Variants in RBFOX1 observed in about 807,000 individuals in gnomAD.
RBFOX1 encodes RNA binding fox-1 homolog 1.
Under a neutral mutation model 57.7 loss-of-function variants are expected in RBFOX1, and 8 were observed. The observed-to-expected ratio is 0.14, with a 90% CI of 0.08 to 0.25. The LOEUF (loss-of-function observed/expected upper bound fraction) is 0.25. RBFOX1 is among the 10% of genes least tolerant of loss of function. RBFOX1 has a pLI of 1.00. For synonymous variants in RBFOX1, 326 were observed against 222.4 expected, an observed-to-expected ratio of 1.47 and a Z score of -4.15; for missense variants, 611 against 548.5, an observed-to-expected ratio of 1.11 and a Z score of -1.14.
intron 1 of RBFOX1, among the ~76,000 whole-genome samples, chr16:5,410,873 G>C (rs1307715008): frequency 2.0e-5 from 3 of 152,198 alleles, no homozygotes; most frequent in African/African-American, 7.2e-5. Flanking sequence ...TTTAAATCCT[G>C]GCTCAGCTGT....
intron 5 of RBFOX1, among the ~76,000 whole-genome samples, chr16:7,559,538 T>C (rs7499705): frequency 0.93 from 141,478 of 152,196 alleles, 65,973 homozygotes; most frequent in Non-Finnish European, 0.97. Context: ...ACACAGGCCT[T>C]GCAAATTAAG....
chr16:5,934,173 T>C (rs993187173), intron 4 of RBFOX1, among the ~76,000 whole-genome samples: 1 of 152,264 alleles, frequency 6.6e-6, no homozygotes, highest in Non-Finnish European at 1.5e-5. Context: ...AGGAACATGC[T>C]GCTGTTTCGT....
At chr16:5,316,998 C>T (rs191325088) in intron 1 of RBFOX1, among the ~76,000 whole-genome samples, 38 of 152,138 alleles carry the variant, frequency 2.5e-4, no homozygotes, top group African/African-American at 8.4e-4. Flanking sequence ...ATTTTCCTGC[C>T]CTTGGATTTC....
rs1177158047 is a variant in RBFOX1, at chr16:5,785,275, G to A, written c.319-82028G>A. 2.0e-5 allele frequency among the ~76,000 whole-genome samples: 3 copies of A among 152,164 alleles called. No homozygotes were observed. The East Asian group carries it at 5.8e-4, about 29-fold the overall frequency. ...CAACCTCAACTAAGGAACTTAAATG[G>A]TATGTGGCAGGACATTTACCAAAGA... On this transcript the variant is annotated intron_variant, in intron 3 of 19. Coordinates refer to the RBFOX1 transcript ENST00000641259.
intron 3 of RBFOX1, among the ~76,000 whole-genome samples, chr16:5,831,801 A>AT (rs2056285478): frequency 6.6e-6 from 1 of 152,136 alleles, no homozygotes; most frequent in Non-Finnish European, 1.5e-5. Context: ...AGATGGCCTA[A>AT]TACTGTCTTC....
intron 1 of RBFOX1, among the ~76,000 whole-genome samples, chr16:6,240,125 G>T (rs1410673410): frequency 6.6e-6 from 1 of 152,100 alleles, no homozygotes; most frequent in Non-Finnish European, 1.5e-5. Context: ...GCCATGTCCT[G>T]CTTCACCTTC....
chr16:7,089,583 C>G (rs181717115), intron 4 of RBFOX1, among the ~76,000 whole-genome samples: 2 of 152,108 alleles, frequency 1.3e-5, no homozygotes, highest in East Asian at 1.9e-4. Context: ...CACACTCTTT[C>G]TCTGAGTTGT....
intron 4 of RBFOX1, among the ~76,000 whole-genome samples, chr16:5,953,223 C>T (rs2059556063): frequency 1.3e-5 from 2 of 152,128 alleles, no homozygotes; most frequent in South Asian, 2.1e-4. Flanking sequence ...AATGATTTTG[C>T]CCCTCAGATA....
chr16:5,329,626 T>C (rs1453912326), intron 1 of RBFOX1, among the ~76,000 whole-genome samples: 1 of 152,244 alleles, frequency 6.6e-6, no homozygotes, highest in African/African-American at 2.4e-5. Context: ...TGGACTGTTA[T>C]AACAAAATAA....
chr16:5,360,599 C>G (rs1357237359), intron 1 of RBFOX1, among the ~76,000 whole-genome samples: 2 of 152,110 alleles, frequency 1.3e-5, no homozygotes, highest in South Asian at 2.1e-4. Context: ...TCCACACTCC[C>G]TGAGTGAGGG....
chr16:7,089,851 C>A (rs1322727491), intron 4 of RBFOX1, among the ~76,000 whole-genome samples: 2 of 152,046 alleles, frequency 1.3e-5, no homozygotes, highest in African/African-American at 4.8e-5. Context: ...ATGGGCACTA[C>A]CTTCCTTTCC....
intron 1 of RBFOX1, among the ~76,000 whole-genome samples, chr16:6,073,806 T>C (rs1448991395): frequency 4.6e-5 from 7 of 152,282 alleles, no homozygotes; most frequent in African/African-American, 9.6e-5. Context: ...TTTTATTTGA[T>C]AGGGCTCTTT....
chr16:6,120,018 T>C (rs1325823113), intron 1 of RBFOX1, among the ~76,000 whole-genome samples: 2 of 152,216 alleles, frequency 1.3e-5, no homozygotes, highest in Non-Finnish European at 2.9e-5. Context: ...GGATATTTTG[T>C]GTAAACAGAA....
intron 1 of RBFOX1, among the ~76,000 whole-genome samples, chr16:5,439,246 T>C (rs939945078): frequency 6.6e-6 from 1 of 151,930 alleles, no homozygotes; most frequent in Non-Finnish European, 1.5e-5. Flanking sequence ...GGATAGAATC[T>C]TGGAAAGGTA....
intron 3 of RBFOX1, among the ~76,000 whole-genome samples, chr16:6,900,153 G>C (rs1487409264): frequency 6.6e-6 from 1 of 152,144 alleles, no homozygotes; most frequent in Non-Finnish European, 1.5e-5. Flanking sequence ...TGGTGGTGGT[G>C]GTGGTATTGT....
At chr16:6,900,753 C>T (rs970748398) in intron 3 of RBFOX1, among the ~76,000 whole-genome samples, 10 of 152,166 alleles carry the variant, frequency 6.6e-5, no homozygotes, top group African/African-American at 2.4e-4. Context: ...CTGGGATCTT[C>T]TGTCTACGTG....
chr16:7,406,900 G>A (rs578003871), intron 4 of RBFOX1, among the ~76,000 whole-genome samples: 12 of 152,244 alleles, frequency 7.9e-5, no homozygotes, highest in South Asian at 6.2e-4. Context: ...TTGGCTCATG[G>A]CCCCTTCCTC....
intron 4 of RBFOX1, among the ~76,000 whole-genome samples, chr16:7,376,066 A>G (rs773574279): frequency 2.4e-4 from 37 of 152,360 alleles, no homozygotes; most frequent in Non-Finnish European, 4.3e-4. Context: ...TCTGAAAAGT[A>G]CATTGTAAAA....
chr16:5,690,234 C>G (rs1267069432), intron 3 of RBFOX1, among the ~76,000 whole-genome samples: 1 of 152,200 alleles, frequency 6.6e-6, no homozygotes, highest in South Asian at 2.1e-4. Context: ...ATGAGCTCCA[C>G]CTGAATGCAT....
Sources: allele counts gnomAD v4.1 joint callset (sites outside exome capture counted in the v4.1 genomes callset), GRCh38; gene constraint gnomAD v4.1.1; transcripts MANE v1.5; gene names NCBI Gene and HGNC (gene_info 2026-07-23, HGNC 2026-07-21).